Variants in TLE1 observed in about 807,000 individuals in gnomAD.
TLE1 encodes transducin-like enhancer protein 1.
TLE1 carries 21 observed loss-of-function variants against 89.8 expected under a neutral mutation model. The observed-to-expected ratio is 0.23, with a 90% confidence interval of 0.17 to 0.34. The LOEUF is 0.34. Among genes scored for constraint, TLE1 ranks in the 10% least tolerant of loss-of-function variants. The pLI, the probability that TLE1 is intolerant of heterozygous loss-of-function variation, is 1.00. For missense variants in TLE1, 795 were observed against 1,031.2 expected, an observed-to-expected ratio of 0.77 and a Z score of 3.14; for synonymous variants, 447 against 407.6, an observed-to-expected ratio of 1.10 and a Z score of -1.16.
intron 6 of TLE1, among the ~76,000 whole-genome samples, chr9:81,651,086 G>A (rs73647839): frequency 0.013 from 1,932 of 152,206 alleles, 56 homozygotes; most frequent in African/African-American, 0.044. Context: ...GTCTGTGGCC[G>A]TCATTGGACT....
intron 4 of TLE1, among the ~76,000 whole-genome samples, chr9:81,656,447 T>A (rs185253972): frequency 7.5e-4 from 114 of 152,340 alleles, no homozygotes; most frequent in Non-Finnish European, 1.3e-3. Context: ...GTTTTAAAAA[T>A]GATATATGCT....
At chr9:81,660,990 C>T (rs1379521533) in intron 4 of TLE1, among the ~76,000 whole-genome samples, 9 of 137,218 alleles carry the variant, frequency 6.6e-5, no homozygotes, top group East Asian at 2.2e-4. Flanking sequence ...TTTAGCCTGG[C>T]GTGGTGGCAC....
intron 4 of TLE1, among the ~76,000 whole-genome samples, chr9:81,675,872 C>T (rs2310105): frequency 1.3e-5 from 2 of 151,682 alleles, no homozygotes; most frequent in African/African-American, 2.4e-5. Context: ...AGCTAATTTT[C>T]GTATTTTCAG....
At chr9:81,674,169 C>A (rs2133000097) in intron 4 of TLE1, among the ~76,000 whole-genome samples, 1 of 152,312 alleles carries the variant, frequency 6.6e-6, no homozygotes, top group South Asian at 2.1e-4. Context: ...TCCATACTGC[C>A]ATTGCCCTTG....
intron 8 of TLE1, among the ~76,000 whole-genome samples, chr9:81,629,893 C>T (rs541903228): frequency 6.6e-6 from 1 of 152,288 alleles, no homozygotes; most frequent in South Asian, 2.1e-4. Context: ...ACTGATTACA[C>T]TTCTATTTCC....
At position 81,587,678 on chromosome 9, in the gene TLE1, C is replaced by T; in HGVS notation, c.1977+3G>A. 1 of 1,609,036 alleles carries T rather than the reference C, an allele frequency of 6.2e-7. No individual in the cohort carries two copies. Among genetic ancestry groups the T allele is most frequent in the Non-Finnish European group, 8.5e-7 (1 of 1,177,172 alleles). ...CCAGGGCAGGCGGAAGCCACTCAGT[C>T]ACCTGGGAGGTGAAGTCGTGCTGCT... is the stretch of plus-strand genomic sequence containing the variant. On this transcript the variant is annotated splice_donor_region_variant and intron_variant, in intron 17 of 19. Transcript: ENST00000376499.
chr9:81,682,320 A>C (rs1833734874), intron 4 of TLE1, among the ~76,000 whole-genome samples: 1 of 151,936 alleles, frequency 6.6e-6, no homozygotes. Context: ...CTCAAGCTTC[A>C]ATAGATGCGT....
intron 4 of TLE1, among the ~76,000 whole-genome samples, chr9:81,675,708 G>GTTTTTTTTTTTTTGTTTGTTTTTT (rs61458315): frequency 9.8e-5 from 13 of 132,436 alleles, no homozygotes; most frequent in African/African-American, 3.9e-4. Context: ...GTTTTTTTTT[G>GTTTTTTTTTTTTTGTTTGTTTTTT]TTTTTTTTTT....
At chr9:81,646,516 C>G (rs983813324) in intron 6 of TLE1, among the ~76,000 whole-genome samples, 6 of 152,194 alleles carry the variant, frequency 3.9e-5, no homozygotes, top group African/African-American at 7.2e-5. Context: ...AAGAAACTTA[C>G]AGCTGGGTTA....
chr9:81,639,576 T>G (rs931137504), intron 6 of TLE1, among the ~76,000 whole-genome samples: 3 of 134,150 alleles, frequency 2.2e-5, no homozygotes, highest in Admixed American at 7.5e-5. Context: ...GTAAAAGTTG[T>G]TTTTTTTTTT....
intron 4 of TLE1, among the ~76,000 whole-genome samples, chr9:81,661,371 C>T (rs1002467624): frequency 1.3e-5 from 2 of 151,902 alleles, no homozygotes; most frequent in African/African-American, 4.8e-5. Context: ...CCCCACTACA[C>T]ATACAGTAGT....
intron 6 of TLE1, among the ~76,000 whole-genome samples, chr9:81,645,673 G>A (rs935116180): frequency 1.3e-5 from 2 of 151,984 alleles, no homozygotes; most frequent in African/African-American, 4.8e-5. Flanking sequence ...CCGGGAGGCA[G>A]AGGCTGTGGT....
At chr9:81,592,963 C>T in intron 15 of TLE1, 62 bp downstream of exon 15, 1 of 1,571,954 alleles carries the variant, frequency 6.4e-7, no homozygotes, top group East Asian at 2.3e-5. Flanking sequence ...GCCCACACAG[C>T]TATTTCCTTA....
intron 8 of TLE1, among the ~76,000 whole-genome samples, chr9:81,630,291 A>G (rs1826410757): frequency 6.6e-6 from 1 of 152,232 alleles, no homozygotes; most frequent in South Asian, 2.1e-4. Context: ...GAGCGAATGC[A>G]GAGGATGAGA....
chr9:81,587,951 CG>C (rs1442791236), intron 16 of TLE1, 123 bp from the exon 17 acceptor site: 1 of 546,894 alleles, frequency 1.8e-6, no homozygotes, highest in East Asian at 4.6e-5. Flanking sequence ...TGTGTGATCC[CG>C]CCAGTGTCTG....
Position 81,673,886 on chromosome 9 carries a change from A to G in TLE1, c.234+11790T>C, listed in dbSNP as rs146859171. The stretch of plus-strand genomic sequence containing the variant: ...ATGTGAGAATGGAGTGTGTACCTGT[A>G]TCTGCAGGCTGCATGGGGCCTGGAT... On this transcript the variant is annotated intron_variant, in intron 4 of 19. Transcript: ENST00000376499. 8.0e-3 allele frequency among the ~76,000 whole-genome samples: 1,217 copies of G among 152,298 alleles called. 9 individuals are homozygous for G. Among genetic ancestry groups the G allele is most frequent in the Non-Finnish European group, 0.014 (944 of 68,028 alleles).
intron 6 of TLE1, among the ~76,000 whole-genome samples, chr9:81,646,127 A>AT (rs1564020256): frequency 6.6e-6 from 1 of 152,192 alleles, no homozygotes; most frequent in East Asian, 1.9e-4. Context: ...TTAAATTAAA[A>AT]TTTTTTTAAA....
At chr9:81,658,596 G>A (rs1408400448) in intron 4 of TLE1, among the ~76,000 whole-genome samples, 2 of 152,084 alleles carry the variant, frequency 1.3e-5, no homozygotes, top group African/African-American at 4.8e-5. Context: ...TAACAAGCTG[G>A]TTTACCCCAG....
chr9:81,665,123 C>A (rs1484841887), intron 4 of TLE1, among the ~76,000 whole-genome samples: 2 of 152,196 alleles, frequency 1.3e-5, no homozygotes, highest in African/African-American at 4.8e-5. Flanking sequence ...CCTGCAGCAA[C>A]ATGAGAGCTG....
Sources: allele counts gnomAD v4.1 joint callset (sites outside exome capture counted in the v4.1 genomes callset), GRCh38; gene constraint gnomAD v4.1.1; transcripts MANE v1.5; gene names NCBI Gene and HGNC (gene_info 2026-07-23, HGNC 2026-07-21).